GSE1: variants seen among roughly 807,000 people sequenced by gnomAD.
GSE1 encodes the protein genetic suppressor element 1.
A neutral mutation model predicts 112.6 loss-of-function variants in GSE1; 32 were observed. The observed-to-expected ratio is 0.28, with a 90% CI of 0.21 to 0.38. The LOEUF is 0.38. GSE1 is among the 10% of genes least tolerant of loss of function. The pLI is 1.00. For synonymous variants in GSE1, 1,115 were observed against 735.6 expected, an observed-to-expected ratio of 1.52 and a Z score of -8.35; for missense variants, 2,348 against 1,699.2, an observed-to-expected ratio of 1.38 and a Z score of -6.71.
intron 1 of GSE1, among the ~76,000 whole-genome samples, chr16:85,221,917 G>C (rs75369628): frequency 6.6e-6 from 1 of 152,130 alleles, no homozygotes; most frequent in Non-Finnish European, 1.5e-5. Flanking sequence ...ATCTGAGGGA[G>C]TTGACTCAGC....
chr16:85,426,106 GAA>G, intron 2 of GSE1, among the ~76,000 whole-genome samples: 1 of 11,540 alleles, frequency 8.7e-5, no homozygotes, highest in Non-Finnish European at 5.5e-4. Context: ...AGGGAGGGAG[GAA>G]GGAAGGAAGG....
At chr16:85,237,851 G>GAAAAAA (rs918473288) in intron 1 of GSE1, among the ~76,000 whole-genome samples, 8 of 135,194 alleles carry the variant, frequency 5.9e-5, no homozygotes, top group African/African-American at 2.1e-4. Flanking sequence ...CAAAAAAAAA[G>GAAAAAA]AAAAAAAAAA....
intron 2 of GSE1, among the ~76,000 whole-genome samples, chr16:85,471,836 G>T (rs545044422): frequency 6.6e-6 from 1 of 152,138 alleles, no homozygotes; most frequent in African/African-American, 2.4e-5. Context: ...TCAGCCTCCC[G>T]AGCAGCTGGG....
intron 2 of GSE1, among the ~76,000 whole-genome samples, chr16:85,449,457 C>T (rs572495450): frequency 3.3e-5 from 5 of 152,368 alleles, no homozygotes; most frequent in South Asian, 2.1e-4. Context: ...GATCCGGCTG[C>T]GGTCGTGGCC....
chr16:85,442,745 G>T (rs183781048), intron 2 of GSE1, among the ~76,000 whole-genome samples: 180 of 152,312 alleles, frequency 1.2e-3, no homozygotes, highest in African/African-American at 4.2e-3. Flanking sequence ...TGCCCCCTTA[G>T]CTCCCGTATT....
rs572009741 is a variant in GSE1 at position 85,669,935 on chromosome 16, C to G, written c.3416-1060C>G. On this transcript the variant is annotated intron_variant, in intron 14 of 15. Transcript: ENST00000253458. ...ACCCCCTCTTCTCTCAGCTACCGCTCAGCTGTTTTTAGCCCATGGCTTTCC... is the reference window on the plus strand; with the variant it reads ...ACCCCCTCTTCTCTCAGCTACCGCTGAGCTGTTTTTAGCCCATGGCTTTCC... 2.6e-5 allele frequency among the ~76,000 whole-genome samples: 4 copies of G among 152,358 alleles called. No individual in the cohort carries two copies. In the East Asian group the frequency reaches 5.8e-4, roughly 22 times the overall value.
At chr16:85,338,808 C>T (rs1466061664) in intron 1 of GSE1, among the ~76,000 whole-genome samples, 8 of 152,138 alleles carry the variant, frequency 5.3e-5, no homozygotes, top group African/African-American at 1.4e-4. Flanking sequence ...CCACACAGCC[C>T]GCAGTAACCG....
intron 1 of GSE1, among the ~76,000 whole-genome samples, chr16:85,316,990 G>A (rs556748253): frequency 1.1e-4 from 17 of 152,328 alleles, no homozygotes; most frequent in Non-Finnish European, 2.1e-4. Flanking sequence ...GCTGCTGAGC[G>A]AGTCTCAGGC....
At chr16:85,345,067 G>C (rs933680627) in intron 1 of GSE1, among the ~76,000 whole-genome samples, 1 of 151,928 alleles carries the variant, frequency 6.6e-6, no homozygotes, top group Non-Finnish European at 1.5e-5. Flanking sequence ...GGCGTACACC[G>C]TGCCCCACCT....
chr16:85,328,549 G>A (rs1567690645), intron 1 of GSE1, among the ~76,000 whole-genome samples: 1 of 152,220 alleles, frequency 6.6e-6, no homozygotes, highest in East Asian at 1.9e-4. Context: ...TGGGGTGGGA[G>A]GTGCCCCTGC....
chr16:85,285,327 T>G (rs1020450418), intron 1 of GSE1: 1 of 152,202 alleles, frequency 6.6e-6, no homozygotes, highest in African/African-American at 2.4e-5. Context: ...GGACCAGCCC[T>G]TCACTACTCA....
chr16:85,516,923 G>A (rs1425557717), intron 2 of GSE1, among the ~76,000 whole-genome samples: 2 of 151,036 alleles, frequency 1.3e-5, no homozygotes, highest in East Asian at 2.0e-4. Flanking sequence ...TCAGCCTCCC[G>A]AGTAGCTGGG....
intron 2 of GSE1, among the ~76,000 whole-genome samples, chr16:85,358,567 G>A (rs1322399133): frequency 6.6e-6 from 1 of 152,012 alleles, no homozygotes; most frequent in African/African-American, 2.4e-5. Flanking sequence ...TGGACAGACA[G>A]GGGACTGCTG....
chr16:85,554,775 T>TGG, upstream of GSE1: 1 of 424,058 alleles, frequency 2.4e-6, no homozygotes. Flanking sequence ...CTGTCAGTCG[T>TGG]GGGGGGGGAG....
chr16:85,225,060 G>A (rs1244146891), intron 1 of GSE1, among the ~76,000 whole-genome samples: 2 of 152,164 alleles, frequency 1.3e-5, no homozygotes, highest in Admixed American at 1.3e-4. Flanking sequence ...GATCCCAGGA[G>A]GTGGAAGTTG....
intron 1 of GSE1, among the ~76,000 whole-genome samples, chr16:85,615,287 C>CCGG (rs2048304046): frequency 6.6e-6 from 1 of 152,198 alleles, no homozygotes; most frequent in African/African-American, 2.4e-5. Flanking sequence ...GGGAGTCGCC[C>CCGG]CGCCCAGGTA....
chr16:85,408,097 C>T (rs1367426063), intron 2 of GSE1, among the ~76,000 whole-genome samples: 1 of 53,058 alleles, frequency 1.9e-5, no homozygotes, highest in Non-Finnish European at 3.9e-5. Context: ...CTCAGGGCCC[C>T]CCTGGATAAT....
At chr16:85,650,173 CAG>C (rs1567719306) in intron 3 of GSE1, among the ~76,000 whole-genome samples, 1 of 152,182 alleles carries the variant, frequency 6.6e-6, no homozygotes, top group Non-Finnish European at 1.5e-5. Context: ...ACCCTGGCCA[CAG>C]GGGCCTCCAC....
chr16:85,608,789 C>T (rs1263535018), upstream of GSE1, among the ~76,000 whole-genome samples: 1 of 152,214 alleles, frequency 6.6e-6, no homozygotes, highest in Non-Finnish European at 1.5e-5. Context: ...GTGAATGGCA[C>T]AGGTGATCTT....
Sources: gnomAD v4.1 joint callset for allele counts (sites outside exome capture counted in the v4.1 genomes callset) on GRCh38, gnomAD v4.1.1 for gene constraint, MANE v1.5 for transcripts, NCBI Gene and HGNC (gene_info 2026-07-23, HGNC 2026-07-21) for gene names.